The following GALNT14 variants were observed in gnomAD, a reference collection of about 807,000 sequenced individuals.
GALNT14 encodes the protein polypeptide N-acetylgalactosaminyltransferase 14.
GALNT14 carries 60 observed loss-of-function variants against 77.5 expected under a neutral mutation model. The observed-to-expected ratio is 0.77, with a 90% CI of 0.63 to 0.96. The LOEUF (loss-of-function observed/expected upper bound fraction) is 0.96. Ranked by LOEUF, GALNT14 falls within the 40% of genes least tolerant of loss-of-function variation. GALNT14 has a pLI of 0.00. For synonymous variants in GALNT14, 280 were observed against 281.7 expected (o/e 0.99, Z 0.06); for missense variants, 710 against 731.0 (o/e 0.97, Z 0.33).
chr2:31,014,374 A>C (rs574513478), intron 1 of GALNT14, among the ~76,000 whole-genome samples: 1 of 152,138 alleles, frequency 6.6e-6, no homozygotes. Context: ...GTTGCAACTC[A>C]TTGCAGGGAG....
intron 1 of GALNT14, among the ~76,000 whole-genome samples, chr2:31,068,317 T>C (rs1345126138): frequency 6.6e-6 from 1 of 151,630 alleles, no homozygotes; most frequent in African/African-American, 2.4e-5. Context: ...CGAAACCCCG[T>C]CTCTACTAAA....
chr2:30,965,137 A>G (rs62139556), intron 3 of GALNT14, among the ~76,000 whole-genome samples: 38,825 of 151,828 alleles, frequency 0.26, 6,050 homozygotes, highest in East Asian at 0.58. Context: ...GATGCTGAAC[A>G]CCACCACTGG....
At chr2:31,062,669 C>T (rs577280594) in intron 1 of GALNT14, among the ~76,000 whole-genome samples, 7 of 152,318 alleles carry the variant, frequency 4.6e-5, no homozygotes, top group African/African-American at 1.4e-4. Context: ...CTAATTTCCA[C>T]TCCCATCAAC....
In GALNT14 at chr2:30,955,895, C is replaced by T. The variant is rs777984941; in HGVS notation, c.532+17G>A. On this transcript the variant is annotated intron_variant, in intron 5 of 14. Transcript: ENST00000349752. ...GACACTCACACTGGAGGCTCCCGCACAACAGCTCAGACCTACCTTGCCGTT... is the reference window on the plus strand; with the variant it reads ...GACACTCACACTGGAGGCTCCCGCATAACAGCTCAGACCTACCTTGCCGTT... The T allele has an allele frequency of 6.2e-6, 10 of 1,613,678 alleles. No individual in the cohort carries two copies. The highest frequency in any genetic ancestry group is 8.5e-6 in the Non-Finnish European group (10 of 1,179,998).
rs1667495212 is a variant in GALNT14, at chr2:30,958,462, A to G, written c.401T>C (p.Val134Ala). ...RSTLLRTIRS[V>A]LNRTPTHLIR... ...CAGATGCGTAGGGGTGCGGTTTAAT[A>G]CACTGCAAGATGGAAACAGAAAAAA... Residue 134 changes from valine to alanine, a missense_variant and splice_region_variant, in exon 4 of 15, where the codon GTA becomes GCA. Coordinates refer to ENST00000349752, the MANE Select transcript of GALNT14 (RefSeq NM_024572.4). 5 of 1,613,832 alleles carry G rather than the reference A, an allele frequency of 3.1e-6. No homozygotes were observed. Among genetic ancestry groups the G allele is most frequent in the Non-Finnish European group, 4.2e-6 (5 of 1,179,708 alleles).
intron 1 of GALNT14, among the ~76,000 whole-genome samples, chr2:31,090,125 C>A (rs1676655810): frequency 1.3e-5 from 2 of 152,322 alleles, no homozygotes; most frequent in East Asian, 3.9e-4. Flanking sequence ...TTTCCAGACA[C>A]CAAAAGTATC....
chr2:31,077,384 C>T (rs1490332932), intron 1 of GALNT14, among the ~76,000 whole-genome samples: 1 of 152,194 alleles, frequency 6.6e-6, no homozygotes, highest in Non-Finnish European at 1.5e-5. Flanking sequence ...TCAACTCCTA[C>T]CATCTCCAGC....
intron 1 of GALNT14, among the ~76,000 whole-genome samples, chr2:31,105,584 G>T (rs1677514952): frequency 2.0e-5 from 3 of 152,132 alleles, no homozygotes; most frequent in African/African-American, 7.2e-5. Context: ...AAATTAGCCA[G>T]GTGTGGTGGC....
chr2:31,053,488 A>C (rs1422935065), intron 1 of GALNT14, among the ~76,000 whole-genome samples: 2 of 148,184 alleles, frequency 1.3e-5, no homozygotes, highest in Admixed American at 6.7e-5. Context: ...TCCAACCCCG[A>C]TAGCCATGGT....
intron 1 of GALNT14, among the ~76,000 whole-genome samples, chr2:31,110,311 G>T (rs17010725): frequency 0.052 from 7,852 of 152,142 alleles, 442 homozygotes; most frequent in African/African-American, 0.15. Flanking sequence ...CACATCAATG[G>T]TTGTCCCACC....
At chr2:30,971,298 C>T (rs1396874174) in intron 2 of GALNT14, among the ~76,000 whole-genome samples, 3 of 151,930 alleles carry the variant, frequency 2.0e-5, no homozygotes, top group South Asian at 2.1e-4. Flanking sequence ...CGAGCAAGTA[C>T]GTTGATAATT....
the GALNT14 span, among the ~76,000 whole-genome samples, chr2:30,901,000 AC>A: frequency 6.6e-6 from 1 of 152,200 alleles, no homozygotes; most frequent in Non-Finnish European, 1.5e-5. Context: ...TCTGGGGAAG[AC>A]CAAAATCCAA....
At chr2:31,039,205 T>A (rs1203760416) in intron 1 of GALNT14, among the ~76,000 whole-genome samples, 3 of 152,220 alleles carry the variant, frequency 2.0e-5, no homozygotes. Flanking sequence ...ATTCTGGAAG[T>A]GTTACAATCA....
chr2:31,071,146 A>G (rs924838045), intron 1 of GALNT14, among the ~76,000 whole-genome samples: 8 of 152,248 alleles, frequency 5.3e-5, no homozygotes, highest in South Asian at 2.1e-4. Flanking sequence ...AACTGGGTTC[A>G]GTGTGTACTG....
chr2:31,120,264 C>T (rs1678340155), intron 1 of GALNT14, among the ~76,000 whole-genome samples: 1 of 152,022 alleles, frequency 6.6e-6, no homozygotes, highest in Non-Finnish European at 1.5e-5. Flanking sequence ...TGATCAATCT[C>T]TCACTCTCCT....
intron 1 of GALNT14, among the ~76,000 whole-genome samples, chr2:31,083,206 G>A (rs1388840176): frequency 3.9e-5 from 6 of 152,142 alleles, no homozygotes; most frequent in Non-Finnish European, 7.3e-5. Flanking sequence ...CCTGCCATGT[G>A]CCCAGCCTGA....
downstream of GALNT14, among the ~76,000 whole-genome samples, chr2:30,909,653 G>C (rs956834587): frequency 6.6e-6 from 1 of 151,992 alleles, no homozygotes; most frequent in Non-Finnish European, 1.5e-5. Context: ...TCAGTGTGGC[G>C]ATTCCTCAGG....
chr2:31,068,900 G>C (rs1675164770), intron 1 of GALNT14, among the ~76,000 whole-genome samples: 1 of 152,234 alleles, frequency 6.6e-6, no homozygotes, highest in Non-Finnish European at 1.5e-5. Flanking sequence ...CCAGCCGCAA[G>C]AGGCCACGTA....
chr2:31,044,278 A>G (rs4952037), intron 1 of GALNT14, among the ~76,000 whole-genome samples: 112,436 of 151,856 alleles, frequency 0.74, 41,893 homozygotes, highest in East Asian at 0.99. Flanking sequence ...CATTGTGTTC[A>G]CAAACTCAAC....
Sources: allele counts gnomAD v4.1 joint callset (sites outside exome capture counted in the v4.1 genomes callset), GRCh38; gene constraint gnomAD v4.1.1; transcripts MANE v1.5; gene names NCBI Gene and HGNC (gene_info 2026-07-23, HGNC 2026-07-21).